The following SPECC1 variants were observed in gnomAD, a reference collection of about 807,000 sequenced individuals.
SPECC1 encodes the protein cytospin-B.
SPECC1 carries 62 observed loss-of-function variants against 104.1 expected under a neutral mutation model. That is an observed-to-expected ratio of 0.60 (90% CI 0.49 to 0.74). The LOEUF is 0.74. Among genes scored for constraint, SPECC1 ranks in the 30% least tolerant of loss-of-function variants. The pLI, the probability that SPECC1 is intolerant of heterozygous loss-of-function variation, is 0.00. For missense variants in SPECC1, 1,306 were observed against 1,310.5 expected (o/e 1.00, Z 0.05); for synonymous variants, 513 against 501.6 (o/e 1.02, Z -0.30).
intron 13 of SPECC1, 33 bp from the exon 14 acceptor site, chr17:20,305,990 A>G (rs200512766): frequency 1.3e-6 from 2 of 1,597,824 alleles, no homozygotes; most frequent in East Asian, 4.5e-5. Context: ...ATTTTAAATT[A>G]CTGATTCCAG....
At chr17:20,113,115 AT>A in intron 3 of SPECC1, 1 of 665,956 alleles carries the variant, frequency 1.5e-6, no homozygotes, top group Non-Finnish European at 2.7e-6. Context: ...AATTTAGAGG[AT>A]TATGCTTGTT....
intron 4 of SPECC1, among the ~76,000 whole-genome samples, chr17:20,208,906 C>G (rs1304774584): frequency 6.6e-6 from 1 of 152,130 alleles, no homozygotes; most frequent in Non-Finnish European, 1.5e-5. Flanking sequence ...CTCAAGCAAT[C>G]CTCCCACCTC....
intron 3 of SPECC1, among the ~76,000 whole-genome samples, chr17:20,195,916 A>G (rs1269533585): frequency 6.6e-6 from 1 of 152,222 alleles, no homozygotes; most frequent in Non-Finnish European, 1.5e-5. Flanking sequence ...ATTTTAATTT[A>G]TAGAAAAGCT....
intron 11 of SPECC1, among the ~76,000 whole-genome samples, chr17:20,258,146 C>T (rs1288462260): frequency 6.6e-6 from 1 of 152,160 alleles, no homozygotes; most frequent in East Asian, 1.9e-4. Context: ...ACTGGAGTAC[C>T]ACCAAGTTTG....
intron 3 of SPECC1, among the ~76,000 whole-genome samples, chr17:20,136,192 A>G (rs2029938688): frequency 6.6e-6 from 1 of 152,124 alleles, no homozygotes; most frequent in Non-Finnish European, 1.5e-5. Flanking sequence ...TTGGGAGGCC[A>G]AGGCAGGCAG....
At chr17:20,066,647 G>T (rs142355628) in intron 1 of SPECC1, among the ~76,000 whole-genome samples, 49 of 152,356 alleles carry the variant, frequency 3.2e-4, no homozygotes, top group African/African-American at 1.2e-3. Flanking sequence ...GAATAAGAAA[G>T]CTTTCCTCAG....
chr17:20,037,276 T>G (rs931262134), intron 1 of SPECC1, among the ~76,000 whole-genome samples: 9 of 149,840 alleles, frequency 6.0e-5, no homozygotes, highest in South Asian at 4.2e-4. Context: ...TTTATTTTTG[T>G]TTTTTTTTCC....
intron 3 of SPECC1, among the ~76,000 whole-genome samples, chr17:20,121,413 C>G (rs2049026319): frequency 6.6e-6 from 1 of 151,626 alleles, no homozygotes; most frequent in Admixed American, 6.6e-5. Context: ...GCTCTGTTGT[C>G]CAGGCTGGAG....
intron 3 of SPECC1, among the ~76,000 whole-genome samples, chr17:20,164,909 A>G (rs192170989): frequency 6.6e-6 from 1 of 152,336 alleles, no homozygotes; most frequent in Admixed American, 6.5e-5. Context: ...CACTTAAAAT[A>G]TATAAATATT....
At chr17:20,171,529 G>GT (rs1309932755) in intron 3 of SPECC1, among the ~76,000 whole-genome samples, 1 of 151,866 alleles carries the variant, frequency 6.6e-6, no homozygotes, top group Non-Finnish European at 1.5e-5. Flanking sequence ...TTCATTTACT[G>GT]TTTTTTTCAT....
chr17:20,274,567 G>A (rs531965294), intron 12 of SPECC1, among the ~76,000 whole-genome samples: 30 of 126,766 alleles, frequency 2.4e-4, no homozygotes, highest in African/African-American at 8.3e-4. Context: ...TGCAATCTCC[G>A]CCTCCCAGGT....
rs150395549 is a variant in SPECC1, at chr17:20,180,979, C to G, written c.284-23354C>G. Reference sequence around the variant, plus strand: ...TTTTGTATGCAATAACCTGTCCTGTCAGTCCAGTGAAATTAGTGGTAAAAA... The same window carrying G: ...TTTTGTATGCAATAACCTGTCCTGTGAGTCCAGTGAAATTAGTGGTAAAAA... On this transcript the variant is annotated intron_variant, in intron 3 of 14. Coordinates refer to ENST00000395527, the MANE Select transcript of SPECC1 (RefSeq NM_001243439.2). Among the ~76,000 whole-genome samples, 13 of 128,660 alleles carry G rather than the reference C, an allele frequency of 1.0e-4. No homozygotes were observed. In the East Asian group the frequency reaches 3.1e-3, roughly 31 times the overall value. 84.4% of individuals were successfully genotyped at this position (128,660 alleles called of 152,430 possible). A position where few individuals can be genotyped will look rare whatever the true frequency, so the allele number is the denominator to read the frequency against.
At chr17:20,191,631 A>G (rs542794961) in intron 3 of SPECC1, among the ~76,000 whole-genome samples, 7 of 152,002 alleles carry the variant, frequency 4.6e-5, no homozygotes, top group Non-Finnish European at 1.0e-4. Flanking sequence ...ATTTCTCCTA[A>G]TGCTATCCCT....
intron 12 of SPECC1, among the ~76,000 whole-genome samples, chr17:20,280,163 G>T (rs1598132687): frequency 6.6e-6 from 1 of 152,196 alleles, no homozygotes; most frequent in East Asian, 1.9e-4. Flanking sequence ...ACGGGCTGCT[G>T]TCTCCATCCA....
chr17:20,240,190 T>G (rs1472723371), intron 7 of SPECC1, among the ~76,000 whole-genome samples: 1 of 148,682 alleles, frequency 6.7e-6, no homozygotes, highest in Non-Finnish European at 1.5e-5. Context: ...GTGCAGGGAT[T>G]ACAGCCATGA....
At chr17:20,277,035 G>A (rs1261879048) in intron 12 of SPECC1, among the ~76,000 whole-genome samples, 1 of 152,264 alleles carries the variant, frequency 6.6e-6, no homozygotes, top group Non-Finnish European at 1.5e-5. Context: ...CAGATCTGGA[G>A]CACTGTGAGT....
intron 11 of SPECC1, among the ~76,000 whole-genome samples, chr17:20,258,645 A>T (rs183550318): frequency 6.6e-6 from 1 of 152,258 alleles, no homozygotes; most frequent in Non-Finnish European, 1.5e-5. Flanking sequence ...AGCCTGTTTT[A>T]GTTTCTGCCT....
At chr17:20,067,564 T>G (rs2046401816) in intron 1 of SPECC1, among the ~76,000 whole-genome samples, 1 of 152,298 alleles carries the variant, frequency 6.6e-6, no homozygotes, top group Non-Finnish European at 1.5e-5. Flanking sequence ...GTCGTCATTG[T>G]TCCATATCAC....
chr17:20,063,359 A>G (rs1262854335), intron 1 of SPECC1, among the ~76,000 whole-genome samples: 1 of 152,080 alleles, frequency 6.6e-6, no homozygotes, highest in Non-Finnish European at 1.5e-5. Context: ...CCTAGTTTAC[A>G]AATCCTTATA....
Sources: gnomAD v4.1 joint callset for allele counts (sites outside exome capture counted in the v4.1 genomes callset) on GRCh38, gnomAD v4.1.1 for gene constraint, MANE v1.5 for transcripts, NCBI Gene and HGNC (gene_info 2026-07-23, HGNC 2026-07-21) for gene names.